LZTFL1: variants seen among roughly 807,000 people sequenced by gnomAD.
The protein encoded by LZTFL1 is leucine zipper transcription factor like 1, also known as leucine zipper transcription factor-like protein 1.
Under a neutral mutation model 45.9 loss-of-function variants are expected in LZTFL1, and 25 were observed. That is an observed-to-expected ratio of 0.54 (90% CI 0.40 to 0.76). The LOEUF is 0.76. Among genes scored for constraint, LZTFL1 ranks in the 30% least tolerant of loss-of-function variants. The pLI, the probability that LZTFL1 is intolerant of heterozygous loss-of-function variation, is 0.00. For synonymous variants in LZTFL1, 93 were observed against 117.4 expected, an observed-to-expected ratio of 0.79 and a Z score of 1.35; for missense variants, 277 against 331.1, an observed-to-expected ratio of 0.84 and a Z score of 1.27.
intron 2 of LZTFL1, among the ~76,000 whole-genome samples, chr3:45,910,745 C>G (rs766482941): frequency 2.6e-5 from 4 of 152,186 alleles, no homozygotes; most frequent in Non-Finnish European, 4.4e-5. Flanking sequence ...TTCTAAGAAC[C>G]TTGCTTGTAT....
chr3:45,887,086 TTG>T (rs1258720148), intron 2 of LZTFL1, among the ~76,000 whole-genome samples: 2 of 152,136 alleles, frequency 1.3e-5, no homozygotes, highest in African/African-American at 4.8e-5. Context: ...GTTAAATGAA[TTG>T]TGATGTATCT....
chr3:45,914,654 T>C (rs1233982214), intron 1 of LZTFL1, among the ~76,000 whole-genome samples: 1 of 152,204 alleles, frequency 6.6e-6, no homozygotes, highest in African/African-American at 2.4e-5. Context: ...TTCCTTTTAT[T>C]TACTGACACC....
chr3:45,827,151 C>A, intron 9 of LZTFL1: 1 of 548,378 alleles, frequency 1.8e-6, no homozygotes, highest in Non-Finnish European at 3.2e-6. Flanking sequence ...AGTCTAAAGG[C>A]CTAGATGAAC....
rs992589479 is a variant in LZTFL1 at position 45,836,706 on chromosome 3, T to A, written c.129-922A>T. ...ACTCTTACATAGAGAATGCTTGGGTTGGAAGAGAACTTTGGTGCCATCTTC... is the reference window on the plus strand; with the variant it reads ...ACTCTTACATAGAGAATGCTTGGGTAGGAAGAGAACTTTGGTGCCATCTTC... On this transcript the variant is annotated intron_variant, in intron 2 of 9. Transcript: ENST00000296135. Among the ~76,000 whole-genome samples the A allele has an allele frequency of 2.0e-5, 3 of 152,182 alleles. No homozygotes were observed. The East Asian group carries it at 5.8e-4, about 29-fold the overall frequency.
chr3:45,838,779 C>T (rs1209825134), intron 1 of LZTFL1, among the ~76,000 whole-genome samples: 1 of 152,168 alleles, frequency 6.6e-6, no homozygotes, highest in Non-Finnish European at 1.5e-5. Flanking sequence ...AATTAAGCTG[C>T]TGATGAGATT....
chr3:45,897,699 C>A, intron 2 of LZTFL1: 1 of 1,164,496 alleles, frequency 8.6e-7, no homozygotes, highest in Non-Finnish European at 1.2e-6. Context: ...TCCCCAGGAA[C>A]CAAAGTCGTC....
At chr3:45,864,077 C>T (rs547970543) in intron 2 of LZTFL1, among the ~76,000 whole-genome samples, 3 of 152,126 alleles carry the variant, frequency 2.0e-5, no homozygotes, top group Non-Finnish European at 4.4e-5. Flanking sequence ...ATGTGGGAGA[C>T]TGACTGTGAT....
In LZTFL1 at chr3:45,823,452, CAAT is replaced by C. The variant is rs1700586915; in HGVS notation, c.*2859_*2861del. ...ACATCAATTCATGTTTTACAATAGG[CAAT>C]AACAGCTACACGCTTACTTGATGAA... On this transcript the variant is annotated 3_prime_UTR_variant, in exon 10 of 10. Transcript: ENST00000296135. 6.6e-6 allele frequency: 1 copy of C among 152,150 alleles called. No individual in the cohort carries two copies. Among genetic ancestry groups the C allele is most frequent in the Non-Finnish European group, 1.5e-5 (1 of 68,036 alleles). The allele number at this position is 152,150 out of a possible 1,614,324, so 9.4% of individuals were successfully genotyped here.
At chr3:45,888,822 G>T (rs1233057621) in intron 2 of LZTFL1, among the ~76,000 whole-genome samples, 1 of 140,644 alleles carries the variant, frequency 7.1e-6, no homozygotes, top group Non-Finnish European at 1.5e-5. Flanking sequence ...AGATGGCAAG[G>T]CTGTCTGTGG....
At chr3:45,828,898 C>T (rs1207295375) in intron 7 of LZTFL1, among the ~76,000 whole-genome samples, 1 of 152,048 alleles carries the variant, frequency 6.6e-6, no homozygotes, top group Non-Finnish European at 1.5e-5. Context: ...GTATTTCCAT[C>T]CAAGATGTGT....
intron 3 of LZTFL1, among the ~76,000 whole-genome samples, chr3:45,856,754 C>T (rs1190346958): frequency 6.6e-6 from 1 of 152,102 alleles, no homozygotes; most frequent in South Asian, 2.1e-4. Context: ...ATTTATGCAG[C>T]CAACAAACAT....
intron 2 of LZTFL1, among the ~76,000 whole-genome samples, chr3:45,890,681 G>A (rs1352961097): frequency 6.6e-6 from 1 of 152,150 alleles, no homozygotes; most frequent in Non-Finnish European, 1.5e-5. Context: ...AAAGTTCTTG[G>A]TTCTTCGGCT....
At chr3:45,862,309 T>C (rs1022515605) in intron 2 of LZTFL1, among the ~76,000 whole-genome samples, 4 of 152,218 alleles carry the variant, frequency 2.6e-5, no homozygotes, top group African/African-American at 9.6e-5. Context: ...GAAAAACCCT[T>C]CAGCCTCCAC....
intron 2 of LZTFL1, 38 bp downstream of exon 2, chr3:45,837,889 T>A: frequency 6.4e-7 from 1 of 1,556,422 alleles, no homozygotes; most frequent in Non-Finnish European, 8.6e-7. Context: ...AAAGAATCCA[T>A]GTTCCTATTT....
At chr3:45,848,898 T>C (rs913424933) in intron 4 of LZTFL1, among the ~76,000 whole-genome samples, 27 of 152,230 alleles carry the variant, frequency 1.8e-4, no homozygotes. Context: ...TTTTTTCAAA[T>C]AGTCAAAAAT....
At position 45,823,646 on chromosome 3, in the gene LZTFL1, T is replaced by C. The variant is rs758519869; in HGVS notation, c.*2668A>G. 2 of 152,254 alleles carry C rather than the reference T, an allele frequency of 1.3e-5. No homozygotes were observed. The highest frequency in any genetic ancestry group is 2.9e-5 in the Non-Finnish European group (2 of 68,042). The allele number at this position is 152,254 out of a possible 1,614,324, so 9.4% of individuals were successfully genotyped here. The stretch of plus-strand genomic sequence containing the variant: ...TGAAAATGGTTTTGTCAAAATATTA[T>C]TGTCTAAATACTACTGTTTTGTCTA... On this transcript the variant is annotated 3_prime_UTR_variant, in exon 10 of 10. Coordinates refer to ENST00000296135, the MANE Select transcript of LZTFL1 (RefSeq NM_020347.4).
intron 2 of LZTFL1, among the ~76,000 whole-genome samples, chr3:45,896,293 T>C (rs1259218707): frequency 6.6e-6 from 1 of 152,230 alleles, no homozygotes; most frequent in African/African-American, 2.4e-5. Context: ...TAGCCAACTC[T>C]GCAAAGCAGC....
At chr3:45,829,980 T>C (rs1700773058) in intron 7 of LZTFL1, among the ~76,000 whole-genome samples, 1 of 152,232 alleles carries the variant, frequency 6.6e-6, no homozygotes, top group Non-Finnish European at 1.5e-5. Context: ...GTCTGAGATT[T>C]GCTTCAAAAA....
intron 8 of LZTFL1, 99 bp from the exon 9 acceptor site, chr3:45,827,558 C>G: frequency 1.4e-6 from 1 of 728,734 alleles, no homozygotes; most frequent in Non-Finnish European, 2.4e-6. Flanking sequence ...TTGAATTTTA[C>G]TAGTATTTTG....
Sources: gnomAD v4.1 joint callset for allele counts (sites outside exome capture counted in the v4.1 genomes callset) on GRCh38, gnomAD v4.1.1 for gene constraint, MANE v1.5 for transcripts, NCBI Gene and HGNC (gene_info 2026-07-23, HGNC 2026-07-21) for gene names.